FOXP1: variants seen among roughly 807,000 people sequenced by gnomAD.
FOXP1 encodes forkhead box protein P1.
In FOXP1, 15 loss-of-function variants were observed where a neutral mutation model predicts 98.2. The observed-to-expected ratio is 0.15, with a 90% CI of 0.10 to 0.24. The LOEUF (loss-of-function observed/expected upper bound fraction) is 0.24. Ranked by LOEUF, FOXP1 falls within the 10% of genes least tolerant of loss-of-function variation. The pLI is 1.00. For missense variants in FOXP1, 633 were observed against 848.5 expected (o/e 0.75, Z 3.15); for synonymous variants, 371 against 314.5 (o/e 1.18, Z -1.90).
At chr3:71,349,628 T>C (rs2077644923) in intron 4 of FOXP1, among the ~76,000 whole-genome samples, 1 of 133,686 alleles carries the variant, frequency 7.5e-6, no homozygotes, top group African/African-American at 2.5e-5. Context: ...AAGGTGTAAG[T>C]AACATGCAAA....
At chr3:71,291,515 C>G (rs1025534571) in intron 5 of FOXP1, among the ~76,000 whole-genome samples, 1 of 152,044 alleles carries the variant, frequency 6.6e-6, no homozygotes, top group Non-Finnish European at 1.5e-5. Flanking sequence ...AGCACAATGC[C>G]TGGCATACAG....
chr3:71,182,524 G>GTA (rs1436139611), intron 6 of FOXP1, among the ~76,000 whole-genome samples: 1 of 148,086 alleles, frequency 6.8e-6, no homozygotes, highest in Non-Finnish European at 1.5e-5. Context: ...GTGTGTGTGT[G>GTA]TGTGTGTGTA....
chr3:71,434,378 T>A (rs2085016169), intron 3 of FOXP1, among the ~76,000 whole-genome samples: 1 of 152,032 alleles, frequency 6.6e-6, no homozygotes, highest in Admixed American at 6.6e-5. Flanking sequence ...CCTCTTGCTG[T>A]CCCTCCCAAG....
chr3:71,411,615 C>T (rs1472911068), intron 3 of FOXP1, among the ~76,000 whole-genome samples: 1 of 152,194 alleles, frequency 6.6e-6, no homozygotes, highest in Non-Finnish European at 1.5e-5. Context: ...AGCCACTGCG[C>T]CCGGCTGAAT....
intron 5 of FOXP1, among the ~76,000 whole-genome samples, chr3:71,211,504 C>A (rs569233558): frequency 1.3e-5 from 2 of 152,150 alleles, no homozygotes; most frequent in Non-Finnish European, 1.5e-5. Context: ...CCATGCCGGG[C>A]CCACATTTAG....
At chr3:71,240,608 T>A (rs1464408623) in intron 5 of FOXP1, among the ~76,000 whole-genome samples, 1 of 152,090 alleles carries the variant, frequency 6.6e-6, no homozygotes, top group Non-Finnish European at 1.5e-5. Context: ...AGTGGCGCGA[T>A]CTCGGCTTAC....
At chr3:71,101,528 T>G (rs749211938) in intron 7 of FOXP1, among the ~76,000 whole-genome samples, 100 of 152,016 alleles carry the variant, frequency 6.6e-4, no homozygotes, top group Non-Finnish European at 1.1e-3. Flanking sequence ...AAAAACAAGT[T>G]AGCCCATGCA....
chr3:71,298,047 T>TACC (rs1253218199), intron 5 of FOXP1, among the ~76,000 whole-genome samples: 1 of 152,168 alleles, frequency 6.6e-6, no homozygotes, highest in African/African-American at 2.4e-5. Context: ...GACAGCAAAT[T>TACC]ACCACCTTGC....
intron 2 of FOXP1, chr3:71,541,989 A>G (rs1033582007): frequency 1.7e-5 from 9 of 534,168 alleles, no homozygotes; most frequent in Non-Finnish European, 3.1e-5. Flanking sequence ...GTATGAAAGA[A>G]ACCAGCAGTT....
intron 3 of FOXP1, among the ~76,000 whole-genome samples, chr3:71,420,273 A>G (rs1428930341): frequency 6.6e-6 from 1 of 152,216 alleles, no homozygotes; most frequent in African/African-American, 2.4e-5. Flanking sequence ...ATGTATAAAG[A>G]GGAGGCAAAA....
intron 19 of FOXP1, among the ~76,000 whole-genome samples, chr3:70,967,700 GTTTTTTTTTGTTTTTT>G (rs2035206176): frequency 1.6e-5 from 1 of 63,628 alleles, no homozygotes; most frequent in Non-Finnish European, 3.1e-5. Flanking sequence ...TTTTTTTTTT[GTTTTTTTTTGTTTTTT>G]TTTTTTTTTT....
chr3:71,196,852 G>T (rs889064007), intron 6 of FOXP1, among the ~76,000 whole-genome samples: 1 of 152,172 alleles, frequency 6.6e-6, no homozygotes, highest in Admixed American at 6.5e-5. Context: ...AGGCACAAAT[G>T]GGTTTGGGCT....
intron 2 of FOXP1, among the ~76,000 whole-genome samples, chr3:71,516,396 T>A (rs767434435): frequency 4.6e-5 from 7 of 152,220 alleles, no homozygotes; most frequent in African/African-American, 7.2e-5. Context: ...CTAAAAGGCA[T>A]AGGGAATTCT....
At chr3:71,301,766 G>T (rs1344188594) in intron 4 of FOXP1, among the ~76,000 whole-genome samples, 1 of 152,114 alleles carries the variant, frequency 6.6e-6, no homozygotes, top group Non-Finnish European at 1.5e-5. Flanking sequence ...GTTATCTCCA[G>T]TGCTGCATTT....
intron 6 of FOXP1, among the ~76,000 whole-genome samples, chr3:71,149,684 C>T (rs1011286226): frequency 5.3e-5 from 8 of 152,144 alleles, no homozygotes; most frequent in African/African-American, 1.9e-4. Flanking sequence ...ATGAATTATG[C>T]CTCCATCTAA....
At position 71,439,495 on chromosome 3, in the gene FOXP1, A is replaced by G. The variant is rs1414865144; in HGVS notation, c.-168+53931T>C. On this transcript the variant is annotated intron_variant, in intron 3 of 20. Coordinates refer to ENST00000649528, the MANE Select transcript of FOXP1 (RefSeq NM_001349338.3). ...ATTTCCACTACTGGGAATATTCCCT[A>G]GAGAACTGAAAGAAGAAACTTAAGA... Among the ~76,000 whole-genome samples the G allele has an allele frequency of 2.0e-5, 3 of 152,238 alleles. No homozygotes were observed. The East Asian group carries it at 5.8e-4, about 29-fold the overall frequency.
intron 3 of FOXP1, among the ~76,000 whole-genome samples, chr3:71,453,488 G>A (rs1341214100): frequency 1.3e-5 from 2 of 152,176 alleles, no homozygotes; most frequent in Admixed American, 6.5e-5. Context: ...CCTACTGGCC[G>A]CATCAAAGGA....
intron 2 of FOXP1, among the ~76,000 whole-genome samples, chr3:71,530,679 A>T (rs2043768100): frequency 6.6e-6 from 1 of 152,258 alleles, no homozygotes; most frequent in Non-Finnish European, 1.5e-5. Context: ...TACTGTGTTA[A>T]GCCCTTTCTA....
intron 3 of FOXP1, among the ~76,000 whole-genome samples, chr3:71,367,591 C>T (rs1039401149): frequency 6.6e-6 from 1 of 152,064 alleles, no homozygotes; most frequent in Non-Finnish European, 1.5e-5. Flanking sequence ...AACCGTGATG[C>T]TGAGTGGGTA....
Sources: gnomAD v4.1 joint callset for allele counts (sites outside exome capture counted in the v4.1 genomes callset) on GRCh38, gnomAD v4.1.1 for gene constraint, MANE v1.5 for transcripts, NCBI Gene and HGNC (gene_info 2026-07-23, HGNC 2026-07-21) for gene names.